GAREM1: variants seen among roughly 807,000 people sequenced by gnomAD.
The protein encoded by GAREM1 is GRB2 associated regulator of MAPK1 subtype 1, also known as GRB2-associated and regulator of MAPK protein 1.
In GAREM1, 26 loss-of-function variants were observed where a neutral mutation model predicts 71.3. The ratio of observed to expected loss-of-function variants is 0.36; its 90% CI spans 0.27 to 0.51. GAREM1 has a LOEUF of 0.51. Ranked by LOEUF, GAREM1 falls within the 20% of genes least tolerant of loss-of-function variation. The pLI, the probability that GAREM1 is intolerant of heterozygous loss-of-function variation, is 0.95. For synonymous variants in GAREM1, 440 were observed against 433.2 expected, an observed-to-expected ratio of 1.02 and a Z score of -0.20; for missense variants, 1,026 against 1,103.1, an observed-to-expected ratio of 0.93 and a Z score of 0.99.
chr18:32,334,981 C>T (rs139295939), intron 2 of GAREM1, among the ~76,000 whole-genome samples: 221 of 152,244 alleles, frequency 1.5e-3, no homozygotes, highest in Admixed American at 2.2e-3. Flanking sequence ...CTTTGAGGAC[C>T]GCTCTTTCCG....
chr18:32,333,969 C>G (rs939975225), intron 2 of GAREM1, among the ~76,000 whole-genome samples: 22 of 152,178 alleles, frequency 1.4e-4, no homozygotes, highest in Non-Finnish European at 5.9e-5. Context: ...CACAACCACA[C>G]AGGCCAGCCC....
chr18:32,291,254 C>CT lies in GAREM1; in HGVS notation c.394-3052dup, dbSNP rs754267205. 3.3e-4 allele frequency among the ~76,000 whole-genome samples: 43 copies of CT among 128,840 alleles called. No individual in the cohort carries two copies. In the East Asian group the frequency reaches 5.1e-3, roughly 15 times the overall value. 84.5% of individuals were successfully genotyped at this position (128,840 alleles called of 152,430 possible). A position where few individuals can be genotyped will look rare whatever the true frequency, so the allele number is the denominator to read the frequency against. ...GTGCAAAAAAAGTTTATACAGTATA[C>CT]TTTTTTTTTGTTTAAGAAGAAAGGA... On this transcript the variant is annotated intron_variant, in intron 3 of 5. Transcript: ENST00000269209.
chr18:32,433,418 C>G (rs1261558737), intron 1 of GAREM1, among the ~76,000 whole-genome samples: 1 of 150,412 alleles, frequency 6.6e-6, no homozygotes, highest in Non-Finnish European at 1.5e-5. Flanking sequence ...CAACATAATA[C>G]TAGAAGTTCT....
At chr18:32,457,218 AGAGAGAGAGTGTGTGTGT>A (rs1216454139) in intron 1 of GAREM1, among the ~76,000 whole-genome samples, 15 of 111,558 alleles carry the variant, frequency 1.3e-4, no homozygotes, top group African/African-American at 4.7e-4. Context: ...AGAGAGAGAG[AGAGAGAGAGTGTGTGTGT>A]GTGTGTGTGT....
At chr18:32,449,001 T>C (rs899278055) in intron 1 of GAREM1, among the ~76,000 whole-genome samples, 1 of 152,222 alleles carries the variant, frequency 6.6e-6, no homozygotes, top group Non-Finnish European at 1.5e-5. Context: ...CATTTTATGA[T>C]AAGCAATACG....
intron 2 of GAREM1, among the ~76,000 whole-genome samples, chr18:32,369,593 C>T (rs1198800502): frequency 6.6e-6 from 1 of 152,096 alleles, no homozygotes; most frequent in East Asian, 1.9e-4. Flanking sequence ...AAAAGAATGA[C>T]AATTTTATGG....
intron 3 of GAREM1, among the ~76,000 whole-genome samples, chr18:32,306,323 G>C (rs144533370): frequency 4.7e-4 from 71 of 152,186 alleles, no homozygotes; most frequent in Non-Finnish European, 9.1e-4. Context: ...GGGTACTCCA[G>C]GGCTCAGTCC....
chr18:32,347,285 A>G (rs1275167466), intron 2 of GAREM1, among the ~76,000 whole-genome samples: 2 of 152,176 alleles, frequency 1.3e-5, no homozygotes, highest in African/African-American at 4.8e-5. Flanking sequence ...GGATCACTTG[A>G]GCCAGGAGTT....
At chr18:32,366,028 T>C (rs1445876657) in intron 2 of GAREM1, among the ~76,000 whole-genome samples, 4 of 152,116 alleles carry the variant, frequency 2.6e-5, no homozygotes, top group African/African-American at 9.7e-5. Flanking sequence ...ATCTCTCCAT[T>C]TTCTTTCTTC....
intron 1 of GAREM1, among the ~76,000 whole-genome samples, chr18:32,447,259 T>C (rs2048793785): frequency 6.8e-6 from 1 of 147,858 alleles, no homozygotes; most frequent in African/African-American, 2.5e-5. Context: ...TTACCAAATT[T>C]AAGACTATTT....
At chr18:32,330,273 T>C (rs1191101288) in intron 2 of GAREM1, among the ~76,000 whole-genome samples, 1 of 152,224 alleles carries the variant, frequency 6.6e-6, no homozygotes, top group Non-Finnish European at 1.5e-5. Context: ...CCAAATGCTG[T>C]ATGTTCTCAC....
At chr18:32,309,806 CTCTT>C (rs1022350803) in intron 3 of GAREM1, among the ~76,000 whole-genome samples, 5 of 152,102 alleles carry the variant, frequency 3.3e-5, no homozygotes, top group Admixed American at 6.5e-5. Flanking sequence ...TATTTTTCCT[CTCTT>C]TCTTTCTTTT....
At chr18:32,320,017 G>A (rs2047414629) in intron 2 of GAREM1, among the ~76,000 whole-genome samples, 1 of 152,156 alleles carries the variant, frequency 6.6e-6, no homozygotes, top group African/African-American at 2.4e-5. Flanking sequence ...ACATTGGTGG[G>A]AAAATGCCTA....
At chr18:32,282,294 C>T (rs929802920) in intron 4 of GAREM1, among the ~76,000 whole-genome samples, 7 of 152,112 alleles carry the variant, frequency 4.6e-5, no homozygotes, top group Non-Finnish European at 8.8e-5. Context: ...GGCGTGGTGG[C>T]GTGAGCCTGT....
chr18:32,453,327 G>A (rs768158935), intron 1 of GAREM1, among the ~76,000 whole-genome samples: 17 of 152,232 alleles, frequency 1.1e-4, no homozygotes, highest in Non-Finnish European at 1.9e-4. Flanking sequence ...TGAGATTTGG[G>A]CGGGGACACA....
At chr18:32,453,828 T>C (rs1568017498) in intron 1 of GAREM1, among the ~76,000 whole-genome samples, 2 of 152,094 alleles carry the variant, frequency 1.3e-5, no homozygotes, top group South Asian at 4.1e-4. Flanking sequence ...GTGTTGTATA[T>C]TGTACAAAGA....
chr18:32,268,754 G>C lies in GAREM1; in HGVS notation c.1748C>G (p.Thr583Ser). ...SGLHNISVTK[T>S]DTNPSESTPV... is the part of the protein sequence containing the mutation. ...AGTGCTTTCAGAAGGATTTGTGTCA[G>C]TTTTAGTGACGCTGCTTAAAAGCAA... Residue 583 changes from threonine to serine, a missense_variant, in exon 6 of 6, where the codon ACT becomes AGT. Transcript: ENST00000269209. The C allele has an allele frequency of 5.0e-6, 8 of 1,613,152 alleles. No individual in the cohort carries two copies. The highest frequency in any genetic ancestry group is 5.1e-6 in the Non-Finnish European group (6 of 1,179,294).
intron 3 of GAREM1, among the ~76,000 whole-genome samples, chr18:32,300,813 G>C (rs964540965): frequency 2.0e-5 from 3 of 150,780 alleles, no homozygotes; most frequent in African/African-American, 7.4e-5. Flanking sequence ...GGCTGAGGCA[G>C]GAGAATCGCT....
chr18:32,453,721 A>G (rs972613646), intron 1 of GAREM1, among the ~76,000 whole-genome samples: 2 of 152,182 alleles, frequency 1.3e-5, no homozygotes, highest in African/African-American at 4.8e-5. Flanking sequence ...AAAGAAAGTA[A>G]CATTCACAGG....
Sources: allele counts gnomAD v4.1 joint callset (sites outside exome capture counted in the v4.1 genomes callset), GRCh38; gene constraint gnomAD v4.1.1; transcripts MANE v1.5; gene names NCBI Gene and HGNC (gene_info 2026-07-23, HGNC 2026-07-21).